XYLT1: variants seen among roughly 807,000 people sequenced by gnomAD.
XYLT1 encodes the protein xylosyltransferase 1, also known as beta-D-xylosyltransferase 1.
XYLT1 carries 36 observed loss-of-function variants against 91.3 expected under a neutral mutation model. That is an observed-to-expected ratio of 0.39 (90% CI 0.30 to 0.52). XYLT1 has a LOEUF of 0.52. Among genes scored for constraint, XYLT1 ranks in the 20% least tolerant of loss-of-function variants. The probability of loss-of-function intolerance (pLI) is 0.68; values close to 1 mark genes in which losing one functional copy is unlikely to be tolerated. For missense variants in XYLT1, 1,242 were observed against 1,284.5 expected, an observed-to-expected ratio of 0.97 and a Z score of 0.51; for synonymous variants, 588 against 532.0, an observed-to-expected ratio of 1.11 and a Z score of -1.45.
intron 2 of XYLT1, among the ~76,000 whole-genome samples, chr16:17,305,768 C>T (rs73529398): frequency 3.3e-5 from 5 of 152,158 alleles, no homozygotes; most frequent in South Asian, 4.2e-4. Context: ...TATAAGGACC[C>T]GGCAAACCCC....
chr16:17,255,833 C>A (rs1011509141), intron 3 of XYLT1, among the ~76,000 whole-genome samples: 4 of 151,996 alleles, frequency 2.6e-5, no homozygotes, highest in Non-Finnish European at 1.5e-5. Flanking sequence ...CATGGTGAAA[C>A]CCCACCTCTA....
At chr16:17,348,656 GCTCT>G in intron 2 of XYLT1, among the ~76,000 whole-genome samples, 1 of 152,184 alleles carries the variant, frequency 6.6e-6, no homozygotes, top group Admixed American at 6.5e-5. Context: ...CACCCCTCCA[GCTCT>G]CACGTTCCCC....
In XYLT1 at chr16:17,197,014, A is replaced by AATATATATATAT. The variant is rs536988187; in HGVS notation, c.1289+1186_1289+1197dup. ...TGACAGAGCGAGACTCTGTCTCCAAAATATATATATATATATAGATATATA... is the reference window on the plus strand; with the variant it reads ...TGACAGAGCGAGACTCTGTCTCCAAAATATATATATATATATATATATATATATAGATATATA... On this transcript the variant is annotated intron_variant, in intron 5 of 11. Coordinates refer to ENST00000261381, the MANE Select transcript of XYLT1 (RefSeq NM_022166.4). Among the ~76,000 whole-genome samples the AATATATATATAT allele has an allele frequency of 9.9e-3, 1,095 of 110,284 alleles. 40 individuals carry two copies. Among genetic ancestry groups the AATATATATATAT allele is most frequent in the East Asian group, 0.018 (88 of 4,774 alleles). 72.4% of individuals were successfully genotyped at this position (110,284 alleles called of 152,430 possible). A position where few individuals can be genotyped will look rare whatever the true frequency, so the allele number is the denominator to read the frequency against.
chr16:17,142,844 C>T (rs568598149), intron 6 of XYLT1, among the ~76,000 whole-genome samples: 50 of 152,130 alleles, frequency 3.3e-4, no homozygotes, highest in South Asian at 2.5e-3. Context: ...TACTGGTGAC[C>T]GAGTCAGTTA....
chr16:17,402,604 A>G (rs927868584), intron 1 of XYLT1, among the ~76,000 whole-genome samples: 18 of 152,178 alleles, frequency 1.2e-4, no homozygotes, highest in African/African-American at 4.1e-4. Context: ...ACATGGACAA[A>G]AAGAAGCTCT....
chr16:17,140,241 T>G (rs1001200998), intron 7 of XYLT1, among the ~76,000 whole-genome samples: 1 of 152,118 alleles, frequency 6.6e-6, no homozygotes, highest in Non-Finnish European at 1.5e-5. Context: ...ATTAATGGAG[T>G]ATGACTTATG....
At chr16:17,218,912 G>A (rs2032910063) in intron 3 of XYLT1, among the ~76,000 whole-genome samples, 1 of 152,130 alleles carries the variant, frequency 6.6e-6, no homozygotes, top group African/African-American at 2.4e-5. Flanking sequence ...CTATACCCTG[G>A]GGCAGTGGCA....
chr16:17,398,818 G>GCCACC (rs138120241), intron 1 of XYLT1, among the ~76,000 whole-genome samples: 2 of 84,746 alleles, frequency 2.4e-5, no homozygotes, highest in Non-Finnish European at 4.9e-5. Flanking sequence ...AAATGTCCCC[G>GCCACC]CCCCCCCCCA....
At position 17,383,144 on chromosome 16, in the gene XYLT1, A is replaced by G. The variant is rs1399046088; in HGVS notation, c.364-25094T>C. ...TGAGAAAGACACAGTCACAATCCCA[A>G]GCACAGGGACAGACCGTTCCTTCTA... On this transcript the variant is annotated intron_variant, in intron 1 of 11. Coordinates refer to ENST00000261381, the MANE Select transcript of XYLT1 (RefSeq NM_022166.4). Among the ~76,000 whole-genome samples the G allele has an allele frequency of 2.0e-5, 3 of 151,828 alleles. 1 individual carries two copies. The East Asian group carries it at 6.0e-4, about 30-fold the overall frequency.
chr16:17,134,332 A>G (rs1322938339), intron 9 of XYLT1, 141 bp downstream of exon 9: 2 of 1,139,072 alleles, frequency 1.8e-6, no homozygotes, highest in Non-Finnish European at 2.5e-6. Flanking sequence ...GCGTTAGATG[A>G]GTTTTGGGCA....
intron 3 of XYLT1, among the ~76,000 whole-genome samples, chr16:17,223,174 G>C (rs2033002660): frequency 6.6e-6 from 1 of 152,108 alleles, no homozygotes; most frequent in Non-Finnish European, 1.5e-5. Flanking sequence ...CTTGCCTCCC[G>C]CTGTGCCCCG....
intron 2 of XYLT1, among the ~76,000 whole-genome samples, chr16:17,261,407 A>G (rs2033720570): frequency 6.6e-6 from 1 of 152,222 alleles, no homozygotes; most frequent in East Asian, 1.9e-4. Flanking sequence ...ATGGGAAACT[A>G]AGCACCCATG....
chr16:17,281,034 T>C (rs2034048715), intron 2 of XYLT1, among the ~76,000 whole-genome samples: 1 of 152,114 alleles, frequency 6.6e-6, no homozygotes, highest in African/African-American at 2.4e-5. Context: ...GAATCACGAT[T>C]TCTAAAAGCC....
At chr16:17,347,424 C>T (rs2035158944) in intron 2 of XYLT1, among the ~76,000 whole-genome samples, 1 of 152,166 alleles carries the variant, frequency 6.6e-6, no homozygotes, top group Admixed American at 6.5e-5. Flanking sequence ...GCTGACCCTG[C>T]CTGGGGCATC....
At chr16:17,375,997 C>A (rs2035596367) in intron 1 of XYLT1, among the ~76,000 whole-genome samples, 1 of 152,238 alleles carries the variant, frequency 6.6e-6, no homozygotes, top group Admixed American at 6.5e-5. Context: ...TTGCTTGCGT[C>A]AGAGCCTGTA....
chr16:17,156,302 C>T (rs2031405981), intron 6 of XYLT1, among the ~76,000 whole-genome samples: 1 of 152,202 alleles, frequency 6.6e-6, no homozygotes, highest in Non-Finnish European at 1.5e-5. Context: ...ATAGTTAATA[C>T]TAGGGTGGAT....
At chr16:17,241,480 C>T (rs1429021579) in intron 3 of XYLT1, among the ~76,000 whole-genome samples, 1 of 152,222 alleles carries the variant, frequency 6.6e-6, no homozygotes, top group Non-Finnish European at 1.5e-5. Context: ...CTCCAGGTCA[C>T]CTTGCCAGGG....
intron 1 of XYLT1, among the ~76,000 whole-genome samples, chr16:17,361,476 A>C (rs2035380922): frequency 6.6e-6 from 1 of 152,226 alleles, no homozygotes; most frequent in African/African-American, 2.4e-5. Context: ...TGTCACAAAC[A>C]CTCACAGACT....
At chr16:17,169,932 A>C (rs1351485730) in intron 5 of XYLT1, among the ~76,000 whole-genome samples, 1 of 152,220 alleles carries the variant, frequency 6.6e-6, no homozygotes, top group Non-Finnish European at 1.5e-5. Flanking sequence ...TTTAAGTAGG[A>C]AAGCCAAGAC....
Sources: gnomAD v4.1 joint callset for allele counts (sites outside exome capture counted in the v4.1 genomes callset) on GRCh38, gnomAD v4.1.1 for gene constraint, MANE v1.5 for transcripts, NCBI Gene and HGNC (gene_info 2026-07-23, HGNC 2026-07-21) for gene names.